The following SLC12A4 variants were observed in gnomAD, a reference collection of about 807,000 sequenced individuals.
SLC12A4 encodes the protein solute carrier family 12 member 4.
SLC12A4 carries 84 observed loss-of-function variants against 119.2 expected under a neutral mutation model. That is an observed-to-expected ratio of 0.70 (90% CI 0.59 to 0.85). The LOEUF is 0.85. Among genes scored for constraint, SLC12A4 ranks in the 40% least tolerant of loss-of-function variants. The pLI, the probability that SLC12A4 is intolerant of heterozygous loss-of-function variation, is 0.00. For synonymous variants in SLC12A4, 599 were observed against 604.6 expected, an observed-to-expected ratio of 0.99 and a Z score of 0.14; for missense variants, 1,298 against 1,476.3, an observed-to-expected ratio of 0.88 and a Z score of 1.98.
chr16:67,945,391 G>A lies in SLC12A4; in HGVS notation c.3010C>T (p.Arg1004Trp), dbSNP rs539363823. Residue 1004 changes from arginine (R) to tryptophan (W), a missense_variant, in exon 22 of 24, where the codon CGG becomes TGG. By Grantham distance (101) the Arg-to-Trp change is moderately radical. Coordinates refer to ENST00000316341, the MANE Select transcript of SLC12A4 (RefSeq NM_005072.5). ...WDPSHAPDNF[R>W]ELVHIKPDQS... ...CACGGCTTAATGTGCACCAGCTCCC[G>A]GAAATTGTCAGGGGCATGGCTGGGG... 28 of 1,613,826 alleles carry A rather than the reference G, an allele frequency of 1.7e-5. No homozygotes were observed. The highest frequency in any genetic ancestry group is 6.7e-5 in the Admixed American group (4 of 60,002).
intron 5 of SLC12A4, among the ~76,000 whole-genome samples, chr16:67,955,472 A>G (rs1035499127): frequency 2.6e-5 from 4 of 152,234 alleles, no homozygotes; most frequent in African/African-American, 9.6e-5. Flanking sequence ...CTGTAAGCCC[A>G]GCATTTTGGG....
chr16:67,946,061 G>C lies in SLC12A4; in HGVS notation c.2629C>G (p.Arg877Gly). 1.9e-6 allele frequency: 3 copies of C among 1,613,916 alleles called. No individual in the cohort carries two copies. The highest frequency in any genetic ancestry group is 1.7e-6 in the Non-Finnish European group (2 of 1,179,962). Reference sequence around the variant, plus strand: ...TCCATCTGGGCCACTGTGAAGATGCGCATCCGGCACTTCCTCCAGACCTGA... The same window carrying C: ...TCCATCTGGGCCACTGTGAAGATGCCCATCCGGCACTTCCTCCAGACCTGA... The part of the protein sequence containing the change: ...QHKVWRKCRM[R>G]IFTVAQMDDN... The change falls in exon 20 of 24, where the codon CGC becomes GGC. Residue 877 changes from arginine (R) to glycine (G), a missense_variant. Transcript: ENST00000316341.
Position 67,950,299 on chromosome 16 carries a change from G to A in SLC12A4, c.1629+20C>T, listed in dbSNP as rs1421310979. The A allele has an allele frequency of 6.2e-7, 1 of 1,611,128 alleles. No homozygotes were observed. Among genetic ancestry groups the A allele is most frequent in the Non-Finnish European group, 8.5e-7 (1 of 1,178,648 alleles). On this transcript the variant is annotated intron_variant, in intron 12 of 23. Transcript: ENST00000316341. This position sits in a 1 kb window ranked among gnomAD's most constrained non-coding sequence, Gnocchi z 4.3. Reference sequence around the variant, plus strand: ...GGGCCTGGGAGCAGCCAGGCCATGGGGGAGTGCAGAGGGGCTCACCCGGAG... The same window carrying A: ...GGGCCTGGGAGCAGCCAGGCCATGGAGGAGTGCAGAGGGGCTCACCCGGAG...
Position 67,943,875 on chromosome 16 carries a change from T to C in SLC12A4, c.*965A>G. On this transcript the variant is annotated 3_prime_UTR_variant, in exon 24 of 24. Transcript: ENST00000316341. The surrounding 1 kb of genome is among the most constrained non-coding windows in gnomAD (Gnocchi z 4.6). ...GCAGGGCAGAAGGGCTTTGGCCAGG[T>C]CAGCTGCCAGGGGCTGGGGCCCAGG... 1 of 1,407,496 alleles carries C rather than the reference T, an allele frequency of 7.1e-7. No individual in the cohort carries two copies. The highest frequency in any genetic ancestry group is 9.6e-7 in the Non-Finnish European group (1 of 1,041,380). 87.2% of individuals were successfully genotyped at this position (1,407,496 alleles called of 1,614,324 possible).
chr16:67,946,776 T>G, intron 17 of SLC12A4, 143 bp from the exon 18 acceptor site: 1 of 1,244,314 alleles, frequency 8.0e-7, no homozygotes, highest in African/African-American at 1.5e-5. Context: ...GGCCAAGTTT[T>G]CAAGATGGGA....
In SLC12A4 at chr16:67,947,400, AG is replaced by A; in HGVS notation, c.2002del (p.Leu668CysfsTer3). The A allele has an allele frequency of 6.2e-7, 1 of 1,612,796 alleles. No homozygotes were observed. Among genetic ancestry groups the A allele is most frequent in the Admixed American group, 1.7e-5 (1 of 60,002 alleles). On this transcript the variant is annotated frameshift_variant, in exon 16 of 24. Transcript: ENST00000316341. LOFTEE classifies it high-confidence loss of function. ...CGCGTAGCGGGCAGCGCTCAGGGACAGGCCTCGGATCCCGTCACCCCACTCC... is the reference window on the plus strand; with the variant it reads ...CGCGTAGCGGGCAGCGCTCAGGGACAGCCTCGGATCCCGTCACCCCACTCC... ...EKEWGDGIRG[L>X]SLSAARYALL...
At chr16:67,958,361 C>T (rs1234554608) in intron 3 of SLC12A4, among the ~76,000 whole-genome samples, 1 of 152,172 alleles carries the variant, frequency 6.6e-6, no homozygotes, top group Non-Finnish European at 1.5e-5. Context: ...TCCACCTTCT[C>T]ACCCAGCAGG....
Position 67,952,187 on chromosome 16 carries a change from A to G in SLC12A4, c.914T>C (p.Phe305Ser). ...GATAAATTCCTGGGTTACTTACGGA[A>G]ACACGGGAGGGTCAAATATAGACTT... is the stretch of plus-strand genomic sequence containing the variant. ...GIKSIFDPPVFPVCMLGNRTL... is the reference protein window; with the variant it reads ...GIKSIFDPPVSPVCMLGNRTL... Residue 305 changes from phenylalanine to serine, a missense_variant, in exon 7 of 24, where the codon TTT becomes TCT. Physicochemically the swap from Phe to Ser is radical, Grantham distance 155 (BLOSUM62 -2). Transcript: ENST00000316341. 1 of 1,613,762 alleles carries G rather than the reference A, an allele frequency of 6.2e-7. No homozygotes were observed. Among genetic ancestry groups the G allele is most frequent in the Non-Finnish European group, 8.5e-7 (1 of 1,179,728 alleles).
chr16:67,950,721 C>CA lies in SLC12A4; in HGVS notation c.1397-11_1397-10insT. The CA allele has an allele frequency of 6.2e-7, 1 of 1,604,030 alleles. No individual in the cohort carries two copies. The highest frequency in any genetic ancestry group is 8.5e-7 in the Non-Finnish European group (1 of 1,175,422). Reference sequence around the variant, plus strand: ...ACCACACTGCTGAAGTCTGCGGCGGCGTCAAGGAAAACTCGGCCTCTGCCA... The same window carrying CA: ...ACCACACTGCTGAAGTCTGCGGCGGCAGTCAAGGAAAACTCGGCCTCTGCCA... On this transcript the variant is annotated splice_polypyrimidine_tract_variant and intron_variant, in intron 10 of 23. Transcript: ENST00000316341. The surrounding 1 kb of genome is among the most constrained non-coding windows in gnomAD (Gnocchi z 4.3).
At position 67,945,084 on chromosome 16, in the gene SLC12A4, T is replaced by A; in HGVS notation, c.3166+3A>T. 1 of 1,578,924 alleles carries A rather than the reference T, an allele frequency of 6.3e-7. No homozygotes were observed. Among genetic ancestry groups the A allele is most frequent in the Non-Finnish European group, 8.6e-7 (1 of 1,160,090 alleles). On this transcript the variant is annotated splice_donor_region_variant and intron_variant, in intron 23 of 23. Transcript: ENST00000316341. ...AACTGCCTGCCTCTCCACAAAGGGATACAGTTCTCGTCGCCCTCACTGTTC... is the reference window on the plus strand; with the variant it reads ...AACTGCCTGCCTCTCCACAAAGGGAAACAGTTCTCGTCGCCCTCACTGTTC...
intron 6 of SLC12A4, among the ~76,000 whole-genome samples, chr16:67,952,732 T>G (rs2029999985): frequency 6.6e-6 from 1 of 151,482 alleles, no homozygotes; most frequent in South Asian, 2.1e-4. Context: ...GAGGTTGCAG[T>G]GAGCAGAGAT....
chr16:67,943,826 G>T lies in SLC12A4; in HGVS notation c.*1014C>A. The T allele has an allele frequency of 1.1e-6, 1 of 927,854 alleles. No homozygotes were observed. The highest frequency in any genetic ancestry group is 2.9e-5 in the Admixed American group (1 of 34,818). 57.5% of individuals were successfully genotyped at this position (927,854 alleles called of 1,614,324 possible). On this transcript the variant is annotated 3_prime_UTR_variant, in exon 24 of 24. Coordinates refer to ENST00000316341, the MANE Select transcript of SLC12A4 (RefSeq NM_005072.5). The surrounding 1 kb of genome is among the most constrained non-coding windows in gnomAD (Gnocchi z 4.6). ...GCTTTTGGCCCCTCCCCACACCAGG[G>T]CAGGTACTTATGTCGGGGCTTATGC...
chr16:67,944,866 G>A lies in SLC12A4; in HGVS notation c.3232C>T (p.Arg1078Cys), dbSNP rs760441751. ...ERVLLVRGGGREVITIYS is the reference protein window; with the variant it reads ...ERVLLVRGGGCEVITIYS ...CAGGAGTAGATGGTGATGACTTCAC[G>A]GCCACCACCGCGCACCAACAGCACC... The change falls in exon 24 of 24, where the codon CGT becomes TGT. Residue 1078 changes from arginine (R) to cysteine (C), a missense_variant. By Grantham distance (180) the Arg-to-Cys change is radical. Transcript: ENST00000316341. This position sits in a 1 kb window ranked among gnomAD's most constrained non-coding sequence, Gnocchi z 6.6. The A allele has an allele frequency of 3.7e-6, 6 of 1,613,172 alleles. No homozygotes were observed. In the Admixed American group the frequency reaches 5.0e-5, roughly 13 times the overall value.
chr16:67,966,826 G>A lies in SLC12A4; in HGVS notation c.115+1613C>T, dbSNP rs2030889471. ...AAAGGAGTAAGAGGAGGAGAAAGAG[G>A]AAGGGAGGCAGTGGGAGGAGCTGGC... On this transcript the variant is annotated intron_variant, in intron 1 of 23. Transcript: ENST00000316341. 18 of 1,549,814 alleles carry A rather than the reference G, an allele frequency of 1.2e-5. No homozygotes were observed. In the South Asian group the frequency reaches 1.4e-4, roughly 12 times the overall value.
Position 67,954,725 on chromosome 16 carries a change from C to T in SLC12A4, c.593G>A (p.Gly198Glu), listed in dbSNP as rs1176145163. The T allele has an allele frequency of 6.2e-7, 1 of 1,614,146 alleles. No homozygotes were observed. The highest frequency in any genetic ancestry group is 2.2e-5 in the East Asian group (1 of 44,884). Residue 198 changes from glycine to glutamate, a missense_variant, in exon 6 of 24, where the codon GGA becomes GAA. Coordinates refer to ENST00000316341, the MANE Select transcript of SLC12A4 (RefSeq NM_005072.5). ...GTAGAAGCACAGGCCCACAGCACCT[C>T]CAAATTCTGGCCCCAGTGAACGAGA... ...MISRSLGPEFGGAVGLCFYLG... is the reference protein window; with the variant it reads ...MISRSLGPEFEGAVGLCFYLG...
At chr16:67,968,249 G>A (rs2030950612) in intron 1 of SLC12A4, among the ~76,000 whole-genome samples, 190 bp downstream of exon 1, 1 of 151,950 alleles carries the variant, frequency 6.6e-6, no homozygotes, top group African/African-American at 2.4e-5. Flanking sequence ...CGGGCGCCGG[G>A]GGCCGAGGAA....
intron 3 of SLC12A4, among the ~76,000 whole-genome samples, chr16:67,958,808 G>A (rs749210090): frequency 1.3e-5 from 2 of 151,988 alleles, no homozygotes; most frequent in Non-Finnish European, 2.9e-5. Context: ...CCTGCCTCAC[G>A]GCCTGGCAAA....
At position 67,947,753 on chromosome 16, in the gene SLC12A4, G is replaced by A. The variant is rs1193592289; in HGVS notation, c.1883C>T (p.Ala628Val). 3 of 1,600,438 alleles carry A rather than the reference G, an allele frequency of 1.9e-6. No homozygotes were observed. The highest frequency in any genetic ancestry group is 2.6e-6 in the Non-Finnish European group (3 of 1,173,822). Residue 628 changes from alanine (A) to valine (V), a missense_variant, in exon 15 of 24, where the codon GCC (alanine) becomes GTC (valine). Coordinates refer to ENST00000316341, the MANE Select transcript of SLC12A4 (RefSeq NM_005072.5). ...GTACCAGGAGGAGACAAACATAAGG[G>A]CCAGGCAGAGACTCATGCCCAGGAA... ...LSFLGMSLCLALMFVSSWYYA... is the reference protein window; with the variant it reads ...LSFLGMSLCLVLMFVSSWYYA...
At chr16:67,947,815 G>T in intron 14 of SLC12A4, 27 bp from the exon 15 acceptor site, 1 of 1,566,038 alleles carries the variant, frequency 6.4e-7, no homozygotes, top group Admixed American at 1.9e-5. Context: ...GGCAGAGTCA[G>T]GGCAGGACCA....
Sources: allele counts gnomAD v4.1 joint callset (sites outside exome capture counted in the v4.1 genomes callset), GRCh38; gene constraint gnomAD v4.1.1; non-coding constraint Gnocchi (gnomAD v3.1); transcripts MANE v1.5; gene names NCBI Gene and HGNC (gene_info 2026-07-23, HGNC 2026-07-21).